Variants in GSDMC observed in about 807,000 individuals in gnomAD.
GSDMC encodes gasdermin C.
A neutral mutation model predicts 58.0 loss-of-function variants in GSDMC; 59 were observed. The ratio of observed to expected loss-of-function variants is 1.02; its 90% confidence interval spans 0.82 to 1.26. The LOEUF (loss-of-function observed/expected upper bound fraction) is 1.26. GSDMC is among the 50% of genes most tolerant of loss of function. GSDMC has a pLI of 0.00. For missense variants in GSDMC, 659 were observed against 598.5 expected (o/e 1.10, Z -1.06); for synonymous variants, 241 against 220.2 (o/e 1.09, Z -0.83).
intron 6 of GSDMC, among the ~76,000 whole-genome samples, chr8:129,759,963 G>A (rs2033593780): frequency 6.6e-6 from 1 of 152,086 alleles, no homozygotes; most frequent in Non-Finnish European, 1.5e-5. Flanking sequence ...CAAACTAAAT[G>A]TCCATCAACA....
At chr8:129,728,485 G>A in the GSDMC span, among the ~76,000 whole-genome samples, 1 of 152,142 alleles carries the variant, frequency 6.6e-6, no homozygotes, top group Admixed American at 6.5e-5. Context: ...GTGCTTGGTG[G>A]CCACCCACTG....
rs760029934 is a variant in GSDMC, at chr8:129,777,436, T to C, written c.152A>G (p.Glu51Gly). 6.2e-7 allele frequency: 1 copy of C among 1,613,940 alleles called. No homozygotes were observed. Among genetic ancestry groups the C allele is most frequent in the Non-Finnish European group, 8.5e-7 (1 of 1,179,804 alleles). Residue 51 changes from glutamate to glycine, a missense_variant, in exon 2 of 14, where the codon GAA (glutamate) becomes GGA (glycine). By Grantham distance (98) the Glu-to-Gly change is moderately conservative. Transcript: ENST00000276708. ...TTCAACTGGAACATAGTCAGATTGT[T>C]CCCAAAATGATGAACGAGAATCCTT... ...KKKDSRSSFW[E>G]QSDYVPVEFS...
chr8:129,785,916 A>G (rs2034542535), intron 1 of GSDMC, 95 bp downstream of exon 1: 1 of 152,034 alleles, frequency 6.6e-6, no homozygotes, highest in African/African-American at 2.4e-5. Flanking sequence ...AGGAAAAAAA[A>G]CTCTTCGACT....
chr8:129,730,137 C>G, the GSDMC span: 1 of 988,998 alleles, frequency 1.0e-6, no homozygotes, highest in South Asian at 1.9e-5. Flanking sequence ...CAAGAGAGAT[C>G]TCACCCGAAA....
rs575573309 is a variant in GSDMC at position 129,762,522 on chromosome 8, C to T, written c.676+104G>A. ...CATGCTTCTCCTTGGATAGGCAGAG[C>T]ATCAAAGGTTGCATACTATGGTTAT... On this transcript the variant is annotated intron_variant, in intron 5 of 13. Coordinates refer to ENST00000276708, the MANE Select transcript of GSDMC (RefSeq NM_031415.3). 92 of 758,236 alleles carry T rather than the reference C, an allele frequency of 1.2e-4. No homozygotes were observed. In the African/African-American group the frequency reaches 1.4e-3, roughly 11 times the overall value. 47.0% of individuals were successfully genotyped at this position (758,236 alleles called of 1,614,324 possible). A position where few individuals can be genotyped will look rare whatever the true frequency, so the allele number is the denominator to read the frequency against.
At chr8:129,760,107 A>G (rs1406509186) in intron 6 of GSDMC, among the ~76,000 whole-genome samples, 1 of 152,230 alleles carries the variant, frequency 6.6e-6, no homozygotes, top group Non-Finnish European at 1.5e-5. Flanking sequence ...GAAATAAGTC[A>G]GGAATAGAAA....
chr8:129,777,187 C>T (rs1439928097), intron 2 of GSDMC, among the ~76,000 whole-genome samples, 181 bp downstream of exon 2: 2 of 152,164 alleles, frequency 1.3e-5, no homozygotes, highest in African/African-American at 2.4e-5. Context: ...CTAATGAATG[C>T]CTACATCCAG....
intron 4 of GSDMC, 140 bp from the exon 5 acceptor site, chr8:129,762,871 G>T: frequency 7.0e-6 from 4 of 570,782 alleles, no homozygotes; most frequent in East Asian, 5.7e-5. Flanking sequence ...TCCAATCACT[G>T]CTCTTTCTTC....
downstream of GSDMC, among the ~76,000 whole-genome samples, chr8:129,745,476 C>T (rs2032939962): frequency 6.6e-6 from 1 of 152,056 alleles, no homozygotes; most frequent in Admixed American, 6.6e-5. Flanking sequence ...AGTGTCTGTG[C>T]TCAAATGATT....
chr8:129,726,578 G>A, the GSDMC span, among the ~76,000 whole-genome samples: 25 of 152,132 alleles, frequency 1.6e-4, no homozygotes, highest in African/African-American at 2.7e-4. Flanking sequence ...AGATGTGATC[G>A]GATATACGAA....
intron 13 of GSDMC, 140 bp from the exon 14 acceptor site, chr8:129,748,880 G>A: frequency 1.8e-6 from 1 of 562,518 alleles, no homozygotes; most frequent in Middle Eastern, 4.5e-4. Flanking sequence ...GTAACATGCT[G>A]GTCATACCCT....
In GSDMC at chr8:129,752,095, A is replaced by G. The variant is rs1216924266; in HGVS notation, c.886+11T>C. ...GATTGTCCTGGAAGGGGAGGGCCAGATTCCACTCACTTGGCAAATGCCCGC... is the reference window on the plus strand; with the variant it reads ...GATTGTCCTGGAAGGGGAGGGCCAGGTTCCACTCACTTGGCAAATGCCCGC... On this transcript the variant is annotated intron_variant, in intron 8 of 13. Transcript: ENST00000276708. The G allele has an allele frequency of 6.2e-7, 1 of 1,610,106 alleles. No homozygotes were observed. Among genetic ancestry groups the G allele is most frequent in the Non-Finnish European group, 8.5e-7 (1 of 1,176,422 alleles).
chr8:129,724,392 T>C, the GSDMC span, among the ~76,000 whole-genome samples: 1 of 152,180 alleles, frequency 6.6e-6, no homozygotes, highest in Non-Finnish European at 1.5e-5. Flanking sequence ...CAATAGATAA[T>C]ACAATCTATT....
the GSDMC span, among the ~76,000 whole-genome samples, chr8:129,739,454 T>A: frequency 6.6e-6 from 1 of 152,366 alleles, no homozygotes; most frequent in South Asian, 2.1e-4. Context: ...TGCCCATTTT[T>A]AAATCAGATT....
chr8:129,705,545 C>T, the GSDMC span: 18,643 of 152,810 alleles, frequency 0.12, 1,716 homozygotes, highest in East Asian at 0.24. Flanking sequence ...CTTCTTCCTT[C>T]TTCACATGGC....
chr8:129,780,275 G>A (rs1266410042), intron 1 of GSDMC, among the ~76,000 whole-genome samples: 2 of 152,074 alleles, frequency 1.3e-5, no homozygotes. Flanking sequence ...CAATATTCAA[G>A]TACAAGGTAC....
rs1449493307 is a variant in GSDMC, at chr8:129,758,630, TA to T, written c.721+1914del. 5.9e-4 allele frequency among the ~76,000 whole-genome samples: 89 copies of T among 152,010 alleles called. 1 individual carries two copies. Among genetic ancestry groups the T allele is most frequent in the Non-Finnish European group, 1.1e-3 (75 of 67,952 alleles). On this transcript the variant is annotated intron_variant, in intron 6 of 13. Coordinates refer to ENST00000276708, the MANE Select transcript of GSDMC (RefSeq NM_031415.3). ...AATCGCATTGACAATAGGGATAAAATAAAACATCTAGGAATTAACTTAACCA... is the reference window on the plus strand; with the variant it reads ...AATCGCATTGACAATAGGGATAAAATAAACATCTAGGAATTAACTTAACCA...
rs1335495253 is a variant in GSDMC at position 129,760,603 on chromosome 8, A to T, written c.677-14T>A. On this transcript the variant is annotated splice_polypyrimidine_tract_variant and intron_variant, in intron 5 of 13. Coordinates refer to ENST00000276708, the MANE Select transcript of GSDMC (RefSeq NM_031415.3). ...AGATGAGAATGGCTGAATGGAAAAG[A>T]AGAACTTCCATTAGGAGAGTTGAGG... is the stretch of plus-strand genomic sequence containing the variant. 1 of 1,560,234 alleles carries T rather than the reference A, an allele frequency of 6.4e-7. No homozygotes were observed. Among genetic ancestry groups the T allele is most frequent in the African/African-American group, 1.4e-5 (1 of 73,746 alleles).
the GSDMC span, among the ~76,000 whole-genome samples, chr8:129,731,246 T>C: frequency 6.6e-6 from 1 of 152,236 alleles, no homozygotes; most frequent in Non-Finnish European, 1.5e-5. Context: ...CTCTTCCCCA[T>C]GGTGAAGTCA....
Sources: allele counts gnomAD v4.1 joint callset (sites outside exome capture counted in the v4.1 genomes callset), GRCh38; gene constraint gnomAD v4.1.1; transcripts MANE v1.5; gene names NCBI Gene and HGNC (gene_info 2026-07-23, HGNC 2026-07-21).